The following HECW1 variants were observed in gnomAD, a reference collection of about 807,000 sequenced individuals.
HECW1 encodes the protein E3 ubiquitin-protein ligase HECW1.
In HECW1, 61 loss-of-function variants were observed where a neutral mutation model predicts 182.3. The observed-to-expected ratio is 0.33, with a 90% CI of 0.27 to 0.41. The LOEUF is 0.41. Among genes scored for constraint, HECW1 ranks in the 10% least tolerant of loss-of-function variants. The pLI is 1.00. For missense variants in HECW1, 1,739 were observed against 2,108.9 expected (o/e 0.82, Z 3.44); for synonymous variants, 859 against 832.6 (o/e 1.03, Z -0.55).
At chr7:43,119,590 C>T (rs1785382014) in intron 2 of HECW1, among the ~76,000 whole-genome samples, 1 of 152,204 alleles carries the variant, frequency 6.6e-6, no homozygotes, top group South Asian at 2.1e-4. Context: ...AGCCCTGACT[C>T]ATTCCCAGAA....
At chr7:43,164,721 G>C (rs1033368776) in intron 2 of HECW1, among the ~76,000 whole-genome samples, 1 of 152,222 alleles carries the variant, frequency 6.6e-6, no homozygotes, top group Non-Finnish European at 1.5e-5. Context: ...TGGAGAAAGA[G>C]GCGAGGACAG....
At chr7:43,142,395 C>T (rs145468903) in intron 2 of HECW1, among the ~76,000 whole-genome samples, 26 of 152,272 alleles carry the variant, frequency 1.7e-4, no homozygotes, top group Admixed American at 4.6e-4. Flanking sequence ...GAAATGTATT[C>T]ATGCACAGAA....
At chr7:43,202,075 A>G (rs1795060791) in intron 2 of HECW1, among the ~76,000 whole-genome samples, 1 of 152,248 alleles carries the variant, frequency 6.6e-6, no homozygotes, top group Non-Finnish European at 1.5e-5. Flanking sequence ...GATACTTATG[A>G]TGCTCCACTT....
At chr7:43,236,337 A>T (rs77524209) in intron 2 of HECW1, among the ~76,000 whole-genome samples, 1,730 of 152,328 alleles carry the variant, frequency 0.011, 27 homozygotes, top group African/African-American at 0.04. Flanking sequence ...GAAAAGCTCA[A>T]ATGAAATAGT....
rs574645877 is a variant in HECW1, at chr7:43,432,052, A to G, written c.802-5951A>G. Among the ~76,000 whole-genome samples, 63 of 148,972 alleles carry G rather than the reference A, an allele frequency of 4.2e-4. No individual in the cohort carries two copies. Among genetic ancestry groups the G allele is most frequent in the African/African-American group, 1.5e-3 (62 of 40,290 alleles). On this transcript the variant is annotated intron_variant, in intron 8 of 29. Coordinates refer to ENST00000395891, the MANE Select transcript of HECW1 (RefSeq NM_015052.5). This position sits in a 1 kb window ranked among gnomAD's most constrained non-coding sequence, Gnocchi z 4.1. ...ACCATCTTGGCCAGGCTTGTCTTGAACTCTTAACCTTGTGATCTACCCACC... is the reference window on the plus strand; with the variant it reads ...ACCATCTTGGCCAGGCTTGTCTTGAGCTCTTAACCTTGTGATCTACCCACC...
chr7:43,389,315 C>G (rs572937622), intron 6 of HECW1, among the ~76,000 whole-genome samples: 3 of 152,326 alleles, frequency 2.0e-5, no homozygotes, highest in South Asian at 4.1e-4. Flanking sequence ...CCCAGACTTA[C>G]AAAATCAGTC....
chr7:43,442,428 C>T, intron 9 of HECW1, 101 bp from the exon 10 acceptor site: 1 of 775,396 alleles, frequency 1.3e-6, no homozygotes, highest in Non-Finnish European at 2.2e-6. Flanking sequence ...CAGGACTTCC[C>T]TGGGCTTGCC....
chr7:43,362,743 A>C lies in HECW1; in HGVS notation c.555+1763A>C, dbSNP rs138998404. 1.6e-3 allele frequency among the ~76,000 whole-genome samples: 237 copies of C among 152,376 alleles called. 1 individual carries two copies. Among genetic ancestry groups the C allele is most frequent in the African/African-American group, 5.4e-3 (224 of 41,596 alleles). ...GACAGAGCAGGAAGGCACTGAGCAC[A>C]CAACAGGCAGAGAAGGAAGGAGGCA... On this transcript the variant is annotated intron_variant, in intron 6 of 29. Transcript: ENST00000395891.
intron 2 of HECW1, among the ~76,000 whole-genome samples, chr7:43,214,768 A>T (rs1338749724): frequency 6.6e-6 from 1 of 152,246 alleles, no homozygotes; most frequent in Non-Finnish European, 1.5e-5. Flanking sequence ...GCACTAGCCC[A>T]GAAGGAGGAG....
At chr7:43,376,325 AG>A (rs2074322429) in intron 6 of HECW1, among the ~76,000 whole-genome samples, 1 of 152,158 alleles carries the variant, frequency 6.6e-6, no homozygotes, top group South Asian at 2.1e-4. Flanking sequence ...GCAGAAAGGA[AG>A]GGCTTTTTGA....
intron 3 of HECW1, among the ~76,000 whole-genome samples, chr7:43,244,517 C>T (rs1799185777): frequency 6.6e-6 from 1 of 152,216 alleles, no homozygotes; most frequent in African/African-American, 2.4e-5. Context: ...GTCATCACAG[C>T]TCACATTTAC....
At chr7:43,360,142 A>C (rs1259216162) in intron 5 of HECW1, among the ~76,000 whole-genome samples, 1 of 152,140 alleles carries the variant, frequency 6.6e-6, no homozygotes, top group Non-Finnish European at 1.5e-5. Flanking sequence ...ATTGTAAATA[A>C]TGGAGCTGAA....
chr7:43,249,978 G>C (rs1799850904), intron 3 of HECW1, among the ~76,000 whole-genome samples: 1 of 152,094 alleles, frequency 6.6e-6, no homozygotes, highest in South Asian at 2.1e-4. Flanking sequence ...GGGCCTGTTT[G>C]CTTAGCTATG....
chr7:43,459,472 A>T (rs923998681), intron 13 of HECW1, among the ~76,000 whole-genome samples: 1 of 152,152 alleles, frequency 6.6e-6, no homozygotes, highest in Non-Finnish European at 1.5e-5. Flanking sequence ...GTATAAAATT[A>T]TGATAATTTA....
At chr7:43,322,683 G>A (rs554445171) in intron 5 of HECW1, among the ~76,000 whole-genome samples, 1 of 152,200 alleles carries the variant, frequency 6.6e-6, no homozygotes, top group Non-Finnish European at 1.5e-5. Flanking sequence ...GCTCCAGCAA[G>A]TGGTACCTGA....
chr7:43,135,923 G>A (rs1321987932), intron 2 of HECW1, among the ~76,000 whole-genome samples: 9 of 150,144 alleles, frequency 6.0e-5, no homozygotes, highest in African/African-American at 2.0e-4. Flanking sequence ...GATTTCACAA[G>A]GCCTTTTATG....
At chr7:43,246,906 G>A (rs543570997) in intron 3 of HECW1, among the ~76,000 whole-genome samples, 44 of 152,266 alleles carry the variant, frequency 2.9e-4, no homozygotes, top group African/African-American at 1.0e-3. Context: ...CCAGTGTTGG[G>A]TGGGAATGGC....
At chr7:43,129,477 C>T (rs988602430) in intron 2 of HECW1, among the ~76,000 whole-genome samples, 1 of 152,174 alleles carries the variant, frequency 6.6e-6, no homozygotes, top group African/African-American at 2.4e-5. Flanking sequence ...TAATAGACTA[C>T]AGTATAGTGT....
At chr7:43,545,367 C>T (rs1318851440) in intron 26 of HECW1, among the ~76,000 whole-genome samples, 1 of 152,152 alleles carries the variant, frequency 6.6e-6, no homozygotes, top group Non-Finnish European at 1.5e-5. Context: ...TACAGAAGAA[C>T]AATCCTCTAG....
Sources: allele counts gnomAD v4.1 joint callset (sites outside exome capture counted in the v4.1 genomes callset), GRCh38; gene constraint gnomAD v4.1.1; non-coding constraint Gnocchi (gnomAD v3.1); transcripts MANE v1.5; gene names NCBI Gene and HGNC (gene_info 2026-07-23, HGNC 2026-07-21).